Variants in DTWD2 observed in about 807,000 individuals in gnomAD.
DTWD2 encodes the protein DTW motif tRNA-uridine aminocarboxypropyltransferase 2, also known as tRNA-uridine aminocarboxypropyltransferase 2.
Under a neutral mutation model 31.8 loss-of-function variants are expected in DTWD2, and 39 were observed. That is an observed-to-expected ratio of 1.22 (90% confidence interval 0.95 to 1.60). The LOEUF is 1.60. Ranked by LOEUF, DTWD2 falls within the 40% of genes most tolerant of loss-of-function variation. The probability of loss-of-function intolerance (pLI) is 0.00; values close to 1 mark genes in which losing one functional copy is unlikely to be tolerated. For synonymous variants in DTWD2, 180 were observed against 142.8 expected, an observed-to-expected ratio of 1.26 and a Z score of -1.86; for missense variants, 515 against 381.5, an observed-to-expected ratio of 1.35 and a Z score of -2.92.
chr5:118,872,340 CAA>C (rs1561435244), intron 4 of DTWD2, among the ~76,000 whole-genome samples: 1 of 152,178 alleles, frequency 6.6e-6, no homozygotes, highest in Non-Finnish European at 1.5e-5. Context: ...TAGCTTGGTA[CAA>C]GAGGCCTAGT....
In DTWD2 at chr5:118,838,522, T is replaced by C. The variant is rs1237720432; in HGVS notation, c.*2395A>G. On this transcript the variant is annotated 3_prime_UTR_variant, in exon 6 of 6. Transcript: ENST00000510708. Reference sequence around the variant, plus strand: ...ATACTACACACTTGAGAACTTTTAGTAATTAAAATAATGGCTTTTAAAACT... The same window carrying C: ...ATACTACACACTTGAGAACTTTTAGCAATTAAAATAATGGCTTTTAAAACT... 6.6e-6 allele frequency: 1 copy of C among 152,138 alleles called. No individual in the cohort carries two copies. Among genetic ancestry groups the C allele is most frequent in the Non-Finnish European group, 1.5e-5 (1 of 68,022 alleles). The allele number at this position is 152,138 out of a possible 1,614,324, so 9.4% of individuals were successfully genotyped here. A position where few individuals can be genotyped will look rare whatever the true frequency, so the allele number is the denominator to read the frequency against.
At chr5:118,852,156 T>C (rs1752024031) in intron 4 of DTWD2, among the ~76,000 whole-genome samples, 1 of 152,188 alleles carries the variant, frequency 6.6e-6, no homozygotes, top group African/African-American at 2.4e-5. Context: ...AATATGGCTC[T>C]TTTTGCCCAA....
At chr5:118,865,780 T>C (rs538276173) in intron 4 of DTWD2, among the ~76,000 whole-genome samples, 2 of 152,320 alleles carry the variant, frequency 1.3e-5, no homozygotes, top group African/African-American at 4.8e-5. Flanking sequence ...ATGGAAATAA[T>C]GAATTTTCAT....
intron 3 of DTWD2, among the ~76,000 whole-genome samples, chr5:118,938,848 A>G (rs553406873): frequency 6.6e-6 from 1 of 151,162 alleles, no homozygotes; most frequent in African/African-American, 2.4e-5. Context: ...TATTTAAGAA[A>G]AAAAAAAAAA....
Position 118,983,422 on chromosome 5 carries a change from A to G in DTWD2, c.218+4872T>C, listed in dbSNP as rs1338935775. On this transcript the variant is annotated intron_variant, in intron 1 of 5. Coordinates refer to ENST00000510708, the MANE Select transcript of DTWD2 (RefSeq NM_173666.4). ...TTAAAAGCTGATAAAACACAGTTCA[A>G]AGCAAAACATCTGTAGAGTGCCAGT... Among the ~76,000 whole-genome samples, 5 of 152,312 alleles carry G rather than the reference A, an allele frequency of 3.3e-5. No individual in the cohort carries two copies. In the East Asian group the frequency reaches 9.6e-4, roughly 29 times the overall value.
chr5:118,842,043 G>A (rs777428625), intron 5 of DTWD2, among the ~76,000 whole-genome samples: 8 of 151,884 alleles, frequency 5.3e-5, no homozygotes, highest in Non-Finnish European at 8.8e-5. Context: ...TCTTACATGC[G>A]GCCAAATATC....
At chr5:118,905,750 C>T (rs970797006) in intron 4 of DTWD2, among the ~76,000 whole-genome samples, 2 of 151,980 alleles carry the variant, frequency 1.3e-5, no homozygotes, top group African/African-American at 4.8e-5. Context: ...CTTTGCTAAC[C>T]AGAAAGGCTT....
intron 1 of DTWD2, chr5:118,973,750 C>T (rs1175016943): frequency 5.6e-6 from 9 of 1,604,734 alleles, no homozygotes; most frequent in South Asian, 3.3e-5. Context: ...CCTGAACTCT[C>T]GCTTTCTTTT....
chr5:118,888,442 T>C (rs1580788394), intron 4 of DTWD2, among the ~76,000 whole-genome samples: 1 of 152,192 alleles, frequency 6.6e-6, no homozygotes, highest in East Asian at 1.9e-4. Context: ...TAGTGCACTG[T>C]TTTTTTACTA....
chr5:118,965,969 G>C (rs1187669410), intron 1 of DTWD2, among the ~76,000 whole-genome samples: 6 of 148,238 alleles, frequency 4.0e-5, no homozygotes, highest in African/African-American at 7.4e-5. Context: ...ATAAATAAAA[G>C]AAAAAGAAAA....
intron 4 of DTWD2, among the ~76,000 whole-genome samples, chr5:118,873,891 C>T (rs942434241): frequency 1.3e-5 from 2 of 152,204 alleles, no homozygotes; most frequent in African/African-American, 4.8e-5. Context: ...ACTCACCCCA[C>T]ACAACTTGCC....
At chr5:118,899,947 G>A (rs1224024360) in intron 4 of DTWD2, among the ~76,000 whole-genome samples, 4 of 151,672 alleles carry the variant, frequency 2.6e-5, no homozygotes, top group East Asian at 1.9e-4. Flanking sequence ...CATTACAGGC[G>A]CACGTCACCA....
intron 1 of DTWD2, among the ~76,000 whole-genome samples, chr5:118,960,727 C>G (rs1423048640): frequency 6.6e-6 from 1 of 151,768 alleles, no homozygotes; most frequent in Non-Finnish European, 1.5e-5. Flanking sequence ...TACATATATA[C>G]CATGGAATAG....
At chr5:118,862,524 TA>T (rs1056059169) in intron 4 of DTWD2, among the ~76,000 whole-genome samples, 8 of 151,158 alleles carry the variant, frequency 5.3e-5, no homozygotes, top group Admixed American at 3.3e-4. Flanking sequence ...GATTTAAAAC[TA>T]AAAAAAAAGT....
intron 4 of DTWD2, among the ~76,000 whole-genome samples, chr5:118,927,660 T>C (rs949613795): frequency 3.9e-5 from 6 of 152,028 alleles, no homozygotes; most frequent in Admixed American, 2.6e-4. Flanking sequence ...CCTAGAGAAA[T>C]ATAAAAGTTA....
chr5:118,848,300 T>A, intron 4 of DTWD2, 82 bp from the exon 5 acceptor site: 1 of 1,305,216 alleles, frequency 7.7e-7, no homozygotes, highest in Non-Finnish European at 1.0e-6. Context: ...CTAATTACTT[T>A]CCTTCCAAAA....
intron 4 of DTWD2, among the ~76,000 whole-genome samples, chr5:118,880,967 T>C (rs949085172): frequency 3.3e-5 from 5 of 152,182 alleles, no homozygotes; most frequent in Admixed American, 6.5e-5. Flanking sequence ...GCAAAACGTG[T>C]TGCATGCAAA....
chr5:118,985,983 A>G (rs1394097298), intron 1 of DTWD2, among the ~76,000 whole-genome samples: 8 of 152,172 alleles, frequency 5.3e-5, no homozygotes, highest in African/African-American at 1.9e-4. Flanking sequence ...AACTGAAGTC[A>G]TCTCTTTTTC....
intron 4 of DTWD2, among the ~76,000 whole-genome samples, chr5:118,872,268 A>G (rs1010989656): frequency 1.3e-5 from 2 of 152,204 alleles, no homozygotes; most frequent in Non-Finnish European, 2.9e-5. Flanking sequence ...TTATGTGTTC[A>G]CTGGAGTAAC....
Sources: allele counts gnomAD v4.1 joint callset (sites outside exome capture counted in the v4.1 genomes callset), GRCh38; gene constraint gnomAD v4.1.1; transcripts MANE v1.5; gene names NCBI Gene and HGNC (gene_info 2026-07-23, HGNC 2026-07-21).